The following ALOXE3 variants were observed in gnomAD, a reference collection of about 807,000 sequenced individuals.
The protein encoded by ALOXE3 is hydroperoxide isomerase ALOXE3.
In ALOXE3, 78 loss-of-function variants were observed where a neutral mutation model predicts 87.5. The ratio of observed to expected loss-of-function variants is 0.89; its 90% CI spans 0.74 to 1.08. ALOXE3 has a LOEUF of 1.08. ALOXE3 is among the 50% of genes least tolerant of loss of function. ALOXE3 has a pLI of 0.00. For missense variants in ALOXE3, 946 were observed against 912.4 expected, an observed-to-expected ratio of 1.04 and a Z score of -0.47; for synonymous variants, 363 against 370.8, an observed-to-expected ratio of 0.98 and a Z score of 0.24.
chr17:8,106,699 G>A (rs73241721), intron 13 of ALOXE3, among the ~76,000 whole-genome samples: 5,076 of 152,120 alleles, frequency 0.033, 282 homozygotes, highest in African/African-American at 0.11. Flanking sequence ...GGTAGTGTGC[G>A]ACTGTAGTCC....
At chr17:8,115,118 T>G (rs1980474392) in intron 4 of ALOXE3, 61 bp from the exon 5 acceptor site, 1 of 1,602,452 alleles carries the variant, frequency 6.2e-7, no homozygotes, top group African/African-American at 1.3e-5. Flanking sequence ...AAGTCTTAGC[T>G]TTAAAGACAC....
intron 15 of ALOXE3, among the ~76,000 whole-genome samples, chr17:8,098,295 G>A (rs1258813145): frequency 7.4e-6 from 1 of 135,268 alleles, no homozygotes; most frequent in East Asian, 2.4e-4. Context: ...CTGGAGTGCA[G>A]TGGCGCGATC....
chr17:8,116,932 G>A lies in ALOXE3; in HGVS notation c.196C>T (p.Leu66=). 2 of 1,614,218 alleles carry A rather than the reference G, an allele frequency of 1.2e-6. No individual in the cohort carries two copies. Among genetic ancestry groups the A allele is most frequent in the Non-Finnish European group, 1.7e-6 (2 of 1,180,028 alleles). The part of the protein sequence containing the change: ...RCTAELGELL[L]LRVHKERYAF... Reference sequence around the variant, plus strand: ...TAGCGCTCCTTGTGTACACGCAGCAGCAAGAGCTCACCCAGCTCCGCTGTG... The same window carrying A: ...TAGCGCTCCTTGTGTACACGCAGCAACAAGAGCTCACCCAGCTCCGCTGTG... The change falls in exon 3 of 16, where the codon CTG becomes TTG. Residue 66 remains leucine (L), a synonymous_variant. Transcript: ENST00000448843.
chr17:8,107,963 A>AG lies in ALOXE3; in HGVS notation c.1684+504_1684+505insC, dbSNP rs1183808741. ...AAAGAAAGAAAGAAAGAAAGAAAGG[A>AG]AGGAGAGAGAGAGAGAGAGAAAGAA... is the stretch of plus-strand genomic sequence containing the variant. On this transcript the variant is annotated intron_variant, in intron 13 of 15. Coordinates refer to ENST00000448843, the MANE Select transcript of ALOXE3 (RefSeq NM_021628.3). Among the ~76,000 whole-genome samples the AG allele has an allele frequency of 1.4e-3, 4 of 2,776 alleles. 2 individuals are homozygous for AG. The highest frequency in any genetic ancestry group is 0.013 in the South Asian group (2 of 160). The allele number at this position is 2,776 out of a possible 152,430, so 1.8% of individuals were successfully genotyped here. A position where few individuals can be genotyped will look rare whatever the true frequency, so the allele number is the denominator to read the frequency against.
rs1980794175 is a variant in ALOXE3 at position 8,118,255 on chromosome 17, G to A, written c.-265C>T. The A allele has an allele frequency of 1.3e-6, 2 of 1,551,674 alleles. No individual in the cohort carries two copies. Among genetic ancestry groups the A allele is most frequent in the South Asian group, 1.2e-5 (1 of 84,050 alleles). ...TTGTTTGCTTGCCTCTGACACAGCC[G>A]GTCCCTCTGGCTGGCTCACCCAGAT... On this transcript the variant is annotated 5_prime_UTR_variant, in exon 2 of 16. Coordinates refer to ENST00000448843, the MANE Select transcript of ALOXE3 (RefSeq NM_021628.3).
At chr17:8,103,580 G>T in intron 14 of ALOXE3, 87 bp from the exon 15 acceptor site, 1 of 1,403,262 alleles carries the variant, frequency 7.1e-7, no homozygotes, top group East Asian at 2.4e-5. Flanking sequence ...CACCTCTGCC[G>T]TCCTAGAGGT....
intron 15 of ALOXE3, among the ~76,000 whole-genome samples, chr17:8,102,451 C>G (rs1366137186): frequency 6.6e-6 from 1 of 152,148 alleles, no homozygotes. Context: ...TGATATCGCA[C>G]CATTGCACTC....
At chr17:8,112,691 T>C (rs1171823029) in intron 6 of ALOXE3, among the ~76,000 whole-genome samples, 1 of 152,200 alleles carries the variant, frequency 6.6e-6, no homozygotes. Flanking sequence ...CTTTGTACAC[T>C]GGAAGGTAGA....
At position 8,114,517 on chromosome 17, in the gene ALOXE3, T is replaced by C. The variant is rs1304374392; in HGVS notation, c.647A>G (p.Lys216Arg). 6.2e-7 allele frequency: 1 copy of C among 1,613,916 alleles called. No individual in the cohort carries two copies. The highest frequency in any genetic ancestry group is 8.5e-7 in the Non-Finnish European group (1 of 1,180,000). The part of the protein sequence containing the change: ...MEPNVRYSAT[K>R]TISLLFNAIP... ...GGCATTGAAGAGCAGCGAGATCGTC[T>C]TGGTGGCTGAGTATCGAACATTGGG... The change falls in exon 6 of 16, where the codon AAG becomes AGG. Residue 216 changes from lysine (K) to arginine (R), a missense_variant. Transcript: ENST00000448843.
Position 8,108,528 on chromosome 17 carries a change from C to G in ALOXE3, c.1624G>C (p.Glu542Gln). Residue 542 changes from glutamate to glutamine, a missense_variant, in exon 13 of 16, where the codon GAG (glutamate) becomes CAG (glutamine). By Grantham distance (29) the Glu-to-Gln change is conservative (BLOSUM62 2). Coordinates refer to ENST00000448843, the MANE Select transcript of ALOXE3 (RefSeq NM_021628.3). Reference sequence around the variant, plus strand: ...ATCTCGCCAGTCCAGGCCTGCAGCTCCGAATCCTGCTGCACAGATGCGTCA... The same window carrying G: ...ATCTCGCCAGTCCAGGCCTGCAGCTGCGAATCCTGCTGCACAGATGCGTCA... ...PSDASVQQDS[E>Q]LQAWTGEIFA... 1 of 1,613,620 alleles carries G rather than the reference C, an allele frequency of 6.2e-7. No individual in the cohort carries two copies. Among genetic ancestry groups the G allele is most frequent in the South Asian group, 1.1e-5 (1 of 91,064 alleles).
At chr17:8,099,609 C>T (rs1010993535) in intron 15 of ALOXE3, among the ~76,000 whole-genome samples, 2 of 150,908 alleles carry the variant, frequency 1.3e-5, no homozygotes, top group African/African-American at 2.4e-5. Context: ...TGCACTGAGC[C>T]GAGACCGCGC....
In ALOXE3 at chr17:8,110,458, T is replaced by A; in HGVS notation, c.1028A>T (p.Gln343Leu). ...GCACAGTGGGGCGGCCACGTACTGC[T>A]GGCGGCCGTTTAGGCAGTGGGTGGG... is the stretch of plus-strand genomic sequence containing the variant. ...EAPTHCLNGR[Q>L]QYVAAPLCLL... The change falls in exon 9 of 16, where the codon CAG becomes CTG. Residue 343 changes from glutamine to leucine, a missense_variant. Coordinates refer to ENST00000448843, the MANE Select transcript of ALOXE3 (RefSeq NM_021628.3). The A allele has an allele frequency of 1.9e-6, 3 of 1,613,650 alleles. No homozygotes were observed. In the South Asian group the frequency reaches 3.3e-5, roughly 18 times the overall value.
chr17:8,112,297 C>A, intron 6 of ALOXE3, 101 bp from the exon 7 acceptor site: 1 of 878,532 alleles, frequency 1.1e-6, no homozygotes, highest in South Asian at 1.4e-5. Context: ...GGTCCATCCC[C>A]AGAGTAGAGA....
At position 8,115,674 on chromosome 17, in the gene ALOXE3, G is replaced by C. The variant is rs757802969; in HGVS notation, c.367C>G (p.Gln123Glu). The C allele has an allele frequency of 6.2e-7, 1 of 1,613,692 alleles. No individual in the cohort carries two copies. The highest frequency in any genetic ancestry group is 8.5e-7 in the Non-Finnish European group (1 of 1,179,576). ...TCCAGGAGGAGGGGAAGAGAGTCCT[G>C]ACAAATAGTTCTTGCTGTGGGGAAT... ...LRPGTARTIC[Q>E]DSLPLLLDHR... The change falls in exon 4 of 16, where the codon CAG becomes GAG. Residue 123 changes from glutamine (Q) to glutamate (E), a missense_variant. Coordinates refer to ENST00000448843, the MANE Select transcript of ALOXE3 (RefSeq NM_021628.3).
chr17:8,111,769 G>A lies in ALOXE3; in HGVS notation c.785-238C>T, dbSNP rs147992880. Among the ~76,000 whole-genome samples the A allele has an allele frequency of 2.9e-4, 44 of 152,278 alleles. No homozygotes were observed. In the East Asian group the frequency reaches 2.9e-3, roughly 10 times the overall value. On this transcript the variant is annotated intron_variant, in intron 7 of 15. Coordinates refer to ENST00000448843, the MANE Select transcript of ALOXE3 (RefSeq NM_021628.3). ...CTAAGCCTTTCTGGACCCAAAGCCC[G>A]GAGCACTTGGTGGTTGGAGTAGGGG... is the stretch of plus-strand genomic sequence containing the variant.
At chr17:8,110,352 G>GCCC in intron 9 of ALOXE3, 33 bp downstream of exon 9, 1 of 1,606,912 alleles carries the variant, frequency 6.2e-7, no homozygotes, top group Non-Finnish European at 8.5e-7. Context: ...TAGCACCTGA[G>GCCC]CCCCCATCCC....
In ALOXE3 at chr17:8,099,487, C is replaced by A. The variant is rs144052499; in HGVS notation, c.1957-2681G>T. On this transcript the variant is annotated intron_variant, in intron 15 of 15. Coordinates refer to ENST00000448843, the MANE Select transcript of ALOXE3 (RefSeq NM_021628.3). ...GACCAGCCTGACTAACATGGAGAAA[C>A]CCCATCTCTACTAAAAGTACAAAAT... 5.9e-3 allele frequency among the ~76,000 whole-genome samples: 900 copies of A among 152,014 alleles called. 13 individuals are homozygous for A. The highest frequency in any genetic ancestry group is 0.02 in the African/African-American group (843 of 41,478).
intron 6 of ALOXE3, among the ~76,000 whole-genome samples, chr17:8,113,940 G>A (rs1318306656): frequency 5.9e-5 from 9 of 151,470 alleles, no homozygotes; most frequent in East Asian, 5.8e-4. Context: ...CAGGAGAATC[G>A]CTTGAACCCA....
Position 8,108,531 on chromosome 17 carries a change from A to C in ALOXE3, c.1621T>G (p.Ser541Ala). The C allele has an allele frequency of 6.2e-6, 10 of 1,613,626 alleles. No individual in the cohort carries two copies. Among genetic ancestry groups the C allele is most frequent in the Non-Finnish European group, 5.1e-6 (6 of 1,179,696 alleles). ...TCGCCAGTCCAGGCCTGCAGCTCCG[A>C]ATCCTGCTGCACAGATGCGTCACTG... ...YPSDASVQQD[S>A]ELQAWTGEIF... The change falls in exon 13 of 16, where the codon TCG (serine) becomes GCG (alanine). Residue 541 changes from serine (S) to alanine (A), a missense_variant. Physicochemically the swap from Ser to Ala is moderately conservative, Grantham distance 99. Coordinates refer to ENST00000448843, the MANE Select transcript of ALOXE3 (RefSeq NM_021628.3).
Sources: gnomAD v4.1 joint callset for allele counts (sites outside exome capture counted in the v4.1 genomes callset) on GRCh38, gnomAD v4.1.1 for gene constraint, MANE v1.5 for transcripts, NCBI Gene and HGNC (gene_info 2026-07-23, HGNC 2026-07-21) for gene names.